The following ISYNA1 variants were observed in gnomAD, a reference collection of about 807,000 sequenced individuals.
The protein encoded by ISYNA1 is inositol-3-phosphate synthase 1.
ISYNA1 carries 34 observed loss-of-function variants against 50.3 expected under a neutral mutation model. That is an observed-to-expected ratio of 0.68 (90% confidence interval 0.51 to 0.90). ISYNA1 has a LOEUF of 0.90. Ranked by LOEUF, ISYNA1 falls within the 40% of genes least tolerant of loss-of-function variation. The pLI, the probability that ISYNA1 is intolerant of heterozygous loss-of-function variation, is 0.00. For missense variants in ISYNA1, 718 were observed against 784.8 expected (o/e 0.91, Z 1.02); for synonymous variants, 396 against 349.9 (o/e 1.13, Z -1.47).
At chr19:18,436,554 C>A (rs752059986) in intron 5 of ISYNA1, 75 bp from the exon 6 acceptor site, 2 of 1,597,910 alleles carry the variant, frequency 1.3e-6, no homozygotes, top group African/African-American at 1.3e-5. Flanking sequence ...CTCTCGGACT[C>A]ACAGAGGCCT....
chr19:18,435,718 C>T (rs754522121), intron 8 of ISYNA1, 39 bp downstream of exon 8: 3 of 1,610,892 alleles, frequency 1.9e-6, no homozygotes, highest in East Asian at 2.2e-5. Context: ...TGCCACCCCT[C>T]GCCGGGCAAC....
At position 18,436,038 on chromosome 19, in the gene ISYNA1, G is replaced by T. The variant is rs1364473750; in HGVS notation, c.969C>A (p.Gly323=). The change falls in exon 7 of 11, where the codon GGC becomes GGA. Residue 323 remains glycine (G), a synonymous_variant. Transcript: ENST00000338128. Reference sequence around the variant, plus strand: ...GCTCCCTAGGCCCACGCACCTTGAGGCCGGAGCCAATGAGGAAGTCCACAA... The same window carrying T: ...GCTCCCTAGGCCCACGCACCTTGAGTCCGGAGCCAATGAGGAAGTCCACAA... The part of the protein sequence containing the change: ...SVLVDFLIGS[G]LKTMSIVSYN... 1 of 1,613,202 alleles carries T rather than the reference G, an allele frequency of 6.2e-7. No homozygotes were observed. The highest frequency in any genetic ancestry group is 8.5e-7 in the Non-Finnish European group (1 of 1,179,946).
chr19:18,435,731 C>A, intron 8 of ISYNA1, 26 bp downstream of exon 8: 1 of 1,607,402 alleles, frequency 6.2e-7, no homozygotes, highest in South Asian at 1.1e-5. Context: ...CGGGCAACCC[C>A]GCGCCCGCGC....
chr19:18,434,735 A>T lies in ISYNA1; in HGVS notation c.*178T>A. ...GATGACCATGGGCAGAGGGGATGGG[A>T]CTGAAGCTGGGCGCTCAAGAGTCGG... On this transcript the variant is annotated 3_prime_UTR_variant, in exon 11 of 11. Transcript: ENST00000338128. 1.6e-6 allele frequency: 1 copy of T among 616,394 alleles called. No individual in the cohort carries two copies. Among genetic ancestry groups the T allele is most frequent in the Non-Finnish European group, 2.9e-6 (1 of 349,290 alleles). The allele number at this position is 616,394 out of a possible 1,614,324, so 38.2% of individuals were successfully genotyped here.
intron 5 of ISYNA1, 71 bp from the exon 6 acceptor site, chr19:18,436,550 G>A (rs778241887): frequency 1.1e-5 from 18 of 1,597,152 alleles, no homozygotes; most frequent in Middle Eastern, 1.7e-4. Context: ...CATACTCTCG[G>A]ACTCACAGAG....
intron 3 of ISYNA1, chr19:18,437,342 A>C: frequency 7.2e-7 from 1 of 1,385,464 alleles, no homozygotes; most frequent in Non-Finnish European, 9.4e-7. Context: ...AAACCCTTCC[A>C]CGGGGTCCGC....
At chr19:18,437,278 G>C in intron 3 of ISYNA1, 173 bp from the exon 4 acceptor site, 1 of 1,424,034 alleles carries the variant, frequency 7.0e-7, no homozygotes, top group Non-Finnish European at 9.1e-7. Flanking sequence ...TGAGACCTCC[G>C]GCACCTTAAG....
rs957349011 is a variant in ISYNA1 at position 18,434,447 on chromosome 19, C to G, written c.*466G>C. 7 of 1,017,254 alleles carry G rather than the reference C, an allele frequency of 6.9e-6. No individual in the cohort carries two copies. The highest frequency in any genetic ancestry group is 3.3e-4 in the Middle Eastern group (1 of 3,000). The allele number at this position is 1,017,254 out of a possible 1,614,324, so 63.0% of individuals were successfully genotyped here. ...CAGAGACGTTCTTTTCTGTATGGAC[C>G]CTTCCTGCCATTTGTATTTTGTCCC... is the stretch of plus-strand genomic sequence containing the variant. On this transcript the variant is annotated 3_prime_UTR_variant, in exon 11 of 11. Coordinates refer to ENST00000338128, the MANE Select transcript of ISYNA1 (RefSeq NM_016368.5).
In ISYNA1 at chr19:18,434,671, C is replaced by A. The variant is rs539075009; in HGVS notation, c.*242G>T. On this transcript the variant is annotated 3_prime_UTR_variant, in exon 11 of 11. Coordinates refer to ENST00000338128, the MANE Select transcript of ISYNA1 (RefSeq NM_016368.5). Reference sequence around the variant, plus strand: ...CCACCTTTGAGAACTGGGGGCAGAGCGAGGCTCCAGGTTCTGGGCTCTCCC... The same window carrying A: ...CCACCTTTGAGAACTGGGGGCAGAGAGAGGCTCCAGGTTCTGGGCTCTCCC... The A allele has an allele frequency of 3.6e-5, 21 of 580,090 alleles. No individual in the cohort carries two copies. The South Asian group carries it at 4.3e-4, about 12-fold the overall frequency. 35.9% of individuals were successfully genotyped at this position (580,090 alleles called of 1,614,324 possible). A position where few individuals can be genotyped will look rare whatever the true frequency, so the allele number is the denominator to read the frequency against.
chr19:18,436,716 C>CAG lies in ISYNA1; in HGVS notation c.576_577insCT (p.Asp193LeufsTer33). 1 of 1,565,774 alleles carries CAG rather than the reference C, an allele frequency of 6.4e-7. No individual in the cohort carries two copies. Among genetic ancestry groups the CAG allele is most frequent in the Non-Finnish European group, 8.6e-7 (1 of 1,158,880 alleles). On this transcript the variant is annotated frameshift_variant, in exon 5 of 11. Transcript: ENST00000338128. LOFTEE classifies it high-confidence loss of function. The stretch of plus-strand genomic sequence containing the variant: ...GCACGCGAGCCTGGGATGAGGTTGT[C>CAG]CGCGCGCGCGCTCTGGTTGGCCGCG...
intron 2 of ISYNA1, 28 bp from the exon 3 acceptor site, chr19:18,437,788 G>A: frequency 6.3e-7 from 1 of 1,598,164 alleles, no homozygotes; most frequent in Non-Finnish European, 8.5e-7. Context: ...AGTGAATCCC[G>A]GGTCCCGTGC....
Position 18,435,656 on chromosome 19 carries a change from C to G in ISYNA1, c.1161G>C (p.Pro387=). ...PDHCVVIKYV[P]YVGDSKRALD... is the part of the protein sequence containing the mutation. ...GCGCGCGCTTGCTGTCACCCACGTACGGCACATACTTGATGACCACCTGGA... is the reference window on the plus strand; with the variant it reads ...GCGCGCGCTTGCTGTCACCCACGTAGGGCACATACTTGATGACCACCTGGA... The change falls in exon 9 of 11, where the codon CCG becomes CCC. Residue 387 remains proline, a synonymous_variant. Coordinates refer to ENST00000338128, the MANE Select transcript of ISYNA1 (RefSeq NM_016368.5). 3 of 1,611,766 alleles carry G rather than the reference C, an allele frequency of 1.9e-6. No individual in the cohort carries two copies. The highest frequency in any genetic ancestry group is 2.5e-6 in the Non-Finnish European group (3 of 1,179,274).
rs376803671 is a variant in ISYNA1 at position 18,435,326 on chromosome 19, G to A, written c.1412C>T (p.Pro471Leu). The change falls in exon 10 of 11, where the codon CCC becomes CTC. Residue 471 changes from proline to leucine, a missense_variant. Pro to Leu is a moderately conservative substitution (Grantham distance 98). This residue lies in a region of ISYNA1 where 305 missense variants were observed against 292.6 expected (regional missense o/e 1.04). Transcript: ENST00000338128. ...AAGCGCATTGACCACCGGGCTGCCG[G>A]GCGGCACTAGTGGCGCCTTGAAGAG... ...SFLFKAPLVP[P>L]GSPVVNALFR... 5.6e-6 allele frequency: 9 copies of A among 1,609,376 alleles called. No homozygotes were observed. Among genetic ancestry groups the A allele is most frequent in the Non-Finnish European group, 7.6e-6 (9 of 1,179,990 alleles).
Position 18,437,707 on chromosome 19 carries a change from C to G in ISYNA1, c.174G>C (p.Arg58=), listed in dbSNP as rs1050444971. ...FTFRTARQVP[R]LGVMLVGWGG... is the part of the protein sequence containing the mutation. Reference sequence around the variant, plus strand: ...CCCAGCCGACAAGCATGACCCCGAGCCGGGGCACCTGCCGGGCGGTCCGGA... The same window carrying G: ...CCCAGCCGACAAGCATGACCCCGAGGCGGGGCACCTGCCGGGCGGTCCGGA... The change falls in exon 3 of 11, where the codon CGG becomes CGC. Residue 58 remains arginine, a synonymous_variant. Coordinates refer to ENST00000338128, the MANE Select transcript of ISYNA1 (RefSeq NM_016368.5). 3.9e-6 allele frequency: 6 copies of G among 1,557,848 alleles called. No homozygotes were observed. Among genetic ancestry groups the G allele is most frequent in the Non-Finnish European group, 5.2e-6 (6 of 1,154,484 alleles).
chr19:18,436,725 C>T lies in ISYNA1; in HGVS notation c.568G>A (p.Ala190Thr), dbSNP rs1483817264. 2 of 1,566,476 alleles carry T rather than the reference C, an allele frequency of 1.3e-6. No individual in the cohort carries two copies. The highest frequency in any genetic ancestry group is 2.7e-5 in the African/African-American group (2 of 73,366). ...IPEFIAANQS[A>T]RADNLIPGSR... ...CCTGGGATGAGGTTGTCCGCGCGCG[C>T]GCTCTGGTTGGCCGCGATGAATTCG... Residue 190 changes from alanine to threonine, a missense_variant, in exon 5 of 11, where the codon GCG becomes ACG. By Grantham distance (58) the Ala-to-Thr change is moderately conservative. Transcript: ENST00000338128.
Position 18,436,183 on chromosome 19 carries a change from A to G in ISYNA1, c.824T>C (p.Phe275Ser). ...AVASILEGCAFLNGSPQNTLV... is the reference protein window; with the variant it reads ...AVASILEGCASLNGSPQNTLV... ...GGTGTTCTGCGGAGACCCATTGAGGAAGGCACAGCCCTCCAGGATGCTGGC... is the reference window on the plus strand; with the variant it reads ...GGTGTTCTGCGGAGACCCATTGAGGGAGGCACAGCCCTCCAGGATGCTGGC... Residue 275 changes from phenylalanine (F) to serine (S), a missense_variant, in exon 7 of 11, where the codon TTC becomes TCC. This residue lies in a region of ISYNA1 where 403 missense variants were observed against 466.6 expected (regional missense o/e 0.86). Coordinates refer to ENST00000338128, the MANE Select transcript of ISYNA1 (RefSeq NM_016368.5). 1 of 1,611,776 alleles carries G rather than the reference A, an allele frequency of 6.2e-7. No homozygotes were observed. Among genetic ancestry groups the G allele is most frequent in the Non-Finnish European group, 8.5e-7 (1 of 1,179,978 alleles).
At chr19:18,437,217 A>G in intron 3 of ISYNA1, 112 bp from the exon 4 acceptor site, 5 of 1,452,906 alleles carry the variant, frequency 3.4e-6, no homozygotes, top group Non-Finnish European at 4.5e-6. Flanking sequence ...GGCATTTTTC[A>G]GTTCCAGGCT....
At position 18,437,579 on chromosome 19, in the gene ISYNA1, C is replaced by A. The variant is rs780874086; in HGVS notation, c.282+20G>T. On this transcript the variant is annotated intron_variant, in intron 3 of 10. Transcript: ENST00000338128. ...ACTCCCACCAAGCCTCCCTACCCAC[C>A]ACGCCCCTCCCGCCCCCACCTTGCG... 9.0e-6 allele frequency: 13 copies of A among 1,447,164 alleles called. No individual in the cohort carries two copies. The highest frequency in any genetic ancestry group is 7.4e-5 in the Admixed American group (3 of 40,414). The allele number at this position is 1,447,164 out of a possible 1,614,324, so 89.6% of individuals were successfully genotyped here.
Position 18,434,925 on chromosome 19 carries a change from C to T in ISYNA1, c.1665G>A (p.Met555Ile). Residue 555 changes from methionine to isoleucine, a missense_variant, in exon 11 of 11, where the codon ATG (methionine) becomes ATA (isoleucine). Met to Ile is a conservative substitution (Grantham distance 10, BLOSUM62 1). This residue lies in a region of ISYNA1 where 305 missense variants were observed against 292.6 expected (regional missense o/e 1.04). Coordinates refer to ENST00000338128, the MANE Select transcript of ISYNA1 (RefSeq NM_016368.5). ...ANGHLQEEPPMPTT is the reference protein window; with the variant it reads ...ANGHLQEEPPIPTT ...TGTGACCGGGGCCTCAGGTGGTGGG[C>T]ATTGGGGGCTCCTCTTGCAGATGCC... The T allele has an allele frequency of 3.7e-6, 6 of 1,612,750 alleles. No homozygotes were observed. The highest frequency in any genetic ancestry group is 5.1e-6 in the Non-Finnish European group (6 of 1,179,886).
Sources: gnomAD v4.1 joint callset for allele counts on GRCh38, gnomAD v4.1.1 for gene constraint, gnomAD v4.1.1 regional missense constraint, MANE v1.5 for transcripts, NCBI Gene and HGNC (gene_info 2026-07-23, HGNC 2026-07-21) for gene names.